The following TSEN15 variants were observed in gnomAD, a reference collection of about 807,000 sequenced individuals.
TSEN15 encodes the protein tRNA-splicing endonuclease subunit Sen15.
A neutral mutation model predicts 20.5 loss-of-function variants in TSEN15; 10 were observed. That is an observed-to-expected ratio of 0.49 (90% CI 0.30 to 0.83). The LOEUF (loss-of-function observed/expected upper bound fraction) is 0.83. TSEN15 is among the 40% of genes least tolerant of loss of function. The probability of loss-of-function intolerance (pLI) is 0.06; values close to 1 mark genes in which losing one functional copy is unlikely to be tolerated. For missense variants in TSEN15, 180 were observed against 218.6 expected (o/e 0.82, Z 1.11); for synonymous variants, 72 against 80.1 (o/e 0.90, Z 0.54).
chr1:184,058,940 G>A (rs897995899), intron 3 of TSEN15, among the ~76,000 whole-genome samples: 5 of 151,632 alleles, frequency 3.3e-5, no homozygotes, highest in African/African-American at 1.2e-4. Context: ...GTCAGGCAAT[G>A]ATCTAGGTGC....
At chr1:184,088,239 G>A (rs551559225) in intron 3 of TSEN15, among the ~76,000 whole-genome samples, 4 of 152,248 alleles carry the variant, frequency 2.6e-5, no homozygotes, top group Non-Finnish European at 5.9e-5. Context: ...TATCTTAGCG[G>A]TAGGAGCTCC....
chr1:184,053,507 C>T (rs985739114), intron 1 of TSEN15, among the ~76,000 whole-genome samples: 1 of 152,182 alleles, frequency 6.6e-6, no homozygotes, highest in Non-Finnish European at 1.5e-5. Context: ...TAACCCCTGT[C>T]CTCCTGAACC....
rs1189544289 is a variant in TSEN15 at position 184,073,168 on chromosome 1, CTT to C, written c.*323_*324del. ...TGTCATCCCACACTCAAAGTTGTCT[CTT>C]TGTTTCTTGCTGCCACTGCCAGCTC... is the stretch of plus-strand genomic sequence containing the variant. On this transcript the variant is annotated 3_prime_UTR_variant, in exon 5 of 5. Transcript: ENST00000645668. The C allele has an allele frequency of 1.0e-4, 26 of 249,338 alleles. No homozygotes were observed. Among genetic ancestry groups the C allele is most frequent in the South Asian group, 6.5e-4 (5 of 7,662 alleles). 15.4% of individuals were successfully genotyped at this position (249,338 alleles called of 1,614,324 possible). A position where few individuals can be genotyped will look rare whatever the true frequency, so the allele number is the denominator to read the frequency against.
intron 3 of TSEN15, chr1:184,095,107 GTC>G (rs374414305): frequency 9.0e-5 from 36 of 398,390 alleles, no homozygotes; most frequent in Admixed American, 8.4e-4. Context: ...CTGTCTTTTT[GTC>G]TCTCTCTCTC....
chr1:184,095,155 A>G, intron 3 of TSEN15: 3 of 398,132 alleles, frequency 7.5e-6, no homozygotes, highest in Non-Finnish European at 1.3e-5. Flanking sequence ...GACTTGTTTG[A>G]CTGAACAGAG....
At chr1:184,053,254 T>C (rs1650119421) in intron 1 of TSEN15, among the ~76,000 whole-genome samples, 1 of 151,958 alleles carries the variant, frequency 6.6e-6, no homozygotes, top group African/African-American at 2.4e-5. Flanking sequence ...TAATAGGGGG[T>C]ATTTGTTTTT....
rs376036235 is a variant in TSEN15 at position 184,091,123 on chromosome 1, CA to C, written c.354-4563del. On this transcript the variant is annotated intron_variant, in intron 3 of 3. Transcript: ENST00000643231. The stretch of plus-strand genomic sequence containing the variant: ...TCTGGCTGGTCGGATACTTACTTTT[CA>C]AAATACAGCTTGAGTCATTGTCCTG... Among the ~76,000 whole-genome samples, 189 of 152,256 alleles carry C rather than the reference CA, an allele frequency of 1.2e-3. 2 individuals carry two copies. The highest frequency in any genetic ancestry group is 9.5e-3 in the East Asian group (49 of 5,182).
intron 3 of TSEN15, among the ~76,000 whole-genome samples, chr1:184,085,105 C>T (rs1651236975): frequency 6.6e-6 from 1 of 151,946 alleles, no homozygotes; most frequent in South Asian, 2.1e-4. Flanking sequence ...GAAATTTCCA[C>T]TGCAGGGAAG....
intron 3 of TSEN15, among the ~76,000 whole-genome samples, chr1:184,083,864 A>G (rs1022037671): frequency 3.3e-5 from 5 of 152,218 alleles, no homozygotes; most frequent in Non-Finnish European, 7.4e-5. Context: ...TAATTGAAAG[A>G]TTTTGCCACA....
downstream of TSEN15, among the ~76,000 whole-genome samples, chr1:184,075,573 A>AT (rs1021296658): frequency 6.6e-6 from 1 of 151,922 alleles, no homozygotes; most frequent in Non-Finnish European, 1.5e-5. Flanking sequence ...ATAATGGCTT[A>AT]TTTTTTCCCT....
At chr1:184,075,613 A>G (rs1651044275), downstream of TSEN15, among the ~76,000 whole-genome samples, 1 of 152,126 alleles carries the variant, frequency 6.6e-6, no homozygotes, top group African/African-American at 2.4e-5. Context: ...TCATTTGGAC[A>G]CCAGAGGGCA....
At chr1:184,090,720 T>C (rs1651342071) in intron 3 of TSEN15, among the ~76,000 whole-genome samples, 1 of 152,220 alleles carries the variant, frequency 6.6e-6, no homozygotes, top group African/African-American at 2.4e-5. Context: ...TCTTCATTTA[T>C]GGCAGATGAG....
rs144692964 is a variant in TSEN15 at position 184,057,205 on chromosome 1, A to G, written c.353+2342A>G. Among the ~76,000 whole-genome samples the G allele has an allele frequency of 3.1e-3, 469 of 152,256 alleles. 2 individuals carry two copies. Among genetic ancestry groups the G allele is most frequent in the African/African-American group, 7.4e-3 (306 of 41,568 alleles). ...AAAGTCTGAAAATAGAAAAGAGATG[A>G]CAATTATTGATGGAGCAAGATTCTT... On this transcript the variant is annotated intron_variant, in intron 3 of 4. Transcript: ENST00000645668.
downstream of TSEN15, among the ~76,000 whole-genome samples, chr1:184,076,106 A>G (rs367842431): frequency 6.6e-6 from 1 of 151,870 alleles, no homozygotes; most frequent in Non-Finnish European, 1.5e-5. Flanking sequence ...TCCTTGTTGT[A>G]TTGCAATTCT....
intron 3 of TSEN15, chr1:184,055,204 G>A: frequency 5.3e-6 from 1 of 188,760 alleles, no homozygotes; most frequent in Non-Finnish European, 1.1e-5. Context: ...AGCAAGAGCA[G>A]GCACATCATA....
At chr1:184,065,706 A>G (rs541678999) in intron 3 of TSEN15, among the ~76,000 whole-genome samples, 47 of 152,306 alleles carry the variant, frequency 3.1e-4, no homozygotes, top group African/African-American at 1.1e-3. Flanking sequence ...GTGGGCACAC[A>G]ATGGCATCTC....
At chr1:184,093,138 T>C (rs1170326873) in intron 3 of TSEN15, among the ~76,000 whole-genome samples, 1 of 152,234 alleles carries the variant, frequency 6.6e-6, no homozygotes, top group African/African-American at 2.4e-5. Context: ...CACTAGGTAC[T>C]GTTCTTTTCT....
chr1:184,087,283 G>T (rs1572722285), intron 3 of TSEN15, among the ~76,000 whole-genome samples: 1 of 151,976 alleles, frequency 6.6e-6, no homozygotes, highest in African/African-American at 2.4e-5. Context: ...AATTATTAAC[G>T]AGATATTTTA....
At chr1:184,066,425 C>T (rs1650663350) in intron 3 of TSEN15, among the ~76,000 whole-genome samples, 1 of 151,218 alleles carries the variant, frequency 6.6e-6, no homozygotes, top group African/African-American at 2.4e-5. Context: ...TTTTTTGAGA[C>T]AGGGTCTCAC....
Sources: gnomAD v4.1 joint callset for allele counts (sites outside exome capture counted in the v4.1 genomes callset) on GRCh38, gnomAD v4.1.1 for gene constraint, MANE v1.5 for transcripts, NCBI Gene and HGNC (gene_info 2026-07-23, HGNC 2026-07-21) for gene names.